The following ITPRIPL1 variants were observed in gnomAD, a reference collection of about 807,000 sequenced individuals.
ITPRIPL1 encodes inositol 1,4,5-trisphosphate receptor-interacting protein-like 1.
ITPRIPL1 carries 28 observed loss-of-function variants against 40.0 expected under a neutral mutation model. That is an observed-to-expected ratio of 0.70 (90% CI 0.52 to 0.96). ITPRIPL1 has a LOEUF of 0.96. Among genes scored for constraint, ITPRIPL1 ranks in the 40% least tolerant of loss-of-function variants. The probability of loss-of-function intolerance (pLI) is 0.00; values close to 1 mark genes in which losing one functional copy is unlikely to be tolerated. For synonymous variants in ITPRIPL1, 251 were observed against 275.7 expected (o/e 0.91, Z 0.89); for missense variants, 638 against 698.0 (o/e 0.91, Z 0.97).
Position 96,326,661 on chromosome 2 carries a change from T to G in ITPRIPL1, c.30T>G (p.Ala10=). MNVDAEASM[A]VISLLFLAVM... ...CTCCAGATGCAGAGGCCTCCATGGC[T>G]GTGATAAGCCTGCTGTTCTTGGCAG... Residue 10 remains alanine, a synonymous_variant, in exon 3 of 3, where the codon GCT becomes GCG. Coordinates refer to ENST00000439118, the MANE Select transcript of ITPRIPL1 (RefSeq NM_001008949.3). The G allele has an allele frequency of 1.2e-6, 2 of 1,614,214 alleles. No individual in the cohort carries two copies. Among genetic ancestry groups the G allele is most frequent in the South Asian group, 2.2e-5 (2 of 91,084 alleles).
chr2:96,328,430 C>T (rs533813422), downstream of ITPRIPL1: 6 of 884,954 alleles, frequency 6.8e-6, no homozygotes, highest in East Asian at 1.3e-4. Flanking sequence ...GATGAGACAC[C>T]TTAAGGAGCG....
At position 96,328,261 on chromosome 2, in the gene ITPRIPL1, A is replaced by G; in HGVS notation, c.1630A>G (p.Lys544Glu). Residue 544 changes from lysine to glutamate, a missense_variant, in exon 3 of 3, where the codon AAA becomes GAA. By Grantham distance (56) the Lys-to-Glu change is moderately conservative. Coordinates refer to ENST00000439118, the MANE Select transcript of ITPRIPL1 (RefSeq NM_001008949.3). ...EEFQNLLTQV[K>E]TLPHAPLAAA... Reference sequence around the variant, plus strand: ...GTTCCAAAACCTTCTGACCCAGGTGAAAACTCTGCCTCATGCCCCACTGGC... The same window carrying G: ...GTTCCAAAACCTTCTGACCCAGGTGGAAACTCTGCCTCATGCCCCACTGGC... The G allele has an allele frequency of 6.2e-7, 1 of 1,614,086 alleles. No homozygotes were observed. Among genetic ancestry groups the G allele is most frequent in the Non-Finnish European group, 8.5e-7 (1 of 1,179,988 alleles).
At chr2:96,325,592 G>C in intron 1 of ITPRIPL1, 27 bp downstream of exon 1, 2 of 589,328 alleles carry the variant, frequency 3.4e-6, no homozygotes, top group Non-Finnish European at 6.1e-6. Flanking sequence ...TGGGTCCCGG[G>C]AGACATCCCG....
In ITPRIPL1 at chr2:96,325,540, AG is replaced by A. The variant is rs1356326436; in HGVS notation, c.-118del. The A allele has an allele frequency of 1.3e-5, 7 of 526,686 alleles. No homozygotes were observed. The highest frequency in any genetic ancestry group is 2.1e-5 in the Non-Finnish European group (6 of 291,390). The allele number at this position is 526,686 out of a possible 1,614,324, so 32.6% of individuals were successfully genotyped here. A position where few individuals can be genotyped will look rare whatever the true frequency, so the allele number is the denominator to read the frequency against. ...GCGGTCAGGCCGCGCTGTCTCTTTAAGATCGTGTTCCTACTAACACTGACGG... is the reference window on the plus strand; with the variant it reads ...GCGGTCAGGCCGCGCTGTCTCTTTAAATCGTGTTCCTACTAACACTGACGG... On this transcript the variant is annotated 5_prime_UTR_variant, in exon 1 of 3. It removes the in-frame stop codon of an upstream open reading frame in the 5' UTR. Transcript: ENST00000439118.
At chr2:96,326,572 G>A in intron 2 of ITPRIPL1, 70 bp from the exon 3 acceptor site, 2 of 1,602,222 alleles carry the variant, frequency 1.2e-6, no homozygotes, top group Non-Finnish European at 1.7e-6. Context: ...CCAGGGCTCT[G>A]GGGAATGTGA....
Position 96,327,985 on chromosome 2 carries a change from G to A in ITPRIPL1, c.1354G>A (p.Ala452Thr). ...PILTSYHFKT[A>T]LMHLLLRLPL... is the part of the protein sequence containing the mutation. ...CCTCACTTCTTACCATTTTAAAACAGCTCTCATGCACCTCTTGCTACGGCT... is the reference window on the plus strand; with the variant it reads ...CCTCACTTCTTACCATTTTAAAACAACTCTCATGCACCTCTTGCTACGGCT... The change falls in exon 3 of 3, where the codon GCT (alanine) becomes ACT (threonine). Residue 452 changes from alanine (A) to threonine (T), a missense_variant. By Grantham distance (58) the Ala-to-Thr change is moderately conservative. Coordinates refer to ENST00000439118, the MANE Select transcript of ITPRIPL1 (RefSeq NM_001008949.3). The A allele has an allele frequency of 6.2e-7, 1 of 1,614,112 alleles. No homozygotes were observed. Among genetic ancestry groups the A allele is most frequent in the Non-Finnish European group, 8.5e-7 (1 of 1,180,028 alleles).
downstream of ITPRIPL1, chr2:96,328,506 G>C: frequency 7.8e-6 from 4 of 513,000 alleles, no homozygotes; most frequent in Non-Finnish European, 1.4e-5. Context: ...GGTCATCTGA[G>C]GTTTTCTTCT....
At chr2:96,325,697 C>A in intron 1 of ITPRIPL1, 50 bp from the exon 2 acceptor site, 1 of 771,036 alleles carries the variant, frequency 1.3e-6, no homozygotes, top group South Asian at 1.5e-5. Flanking sequence ...GGGGGAGGGT[C>A]GGGTTCCGAT....
chr2:96,325,784 G>A lies in ITPRIPL1; in HGVS notation c.-56G>A. The A allele has an allele frequency of 6.2e-7, 1 of 1,603,890 alleles. No individual in the cohort carries two copies. The highest frequency in any genetic ancestry group is 1.1e-5 in the South Asian group (1 of 90,902). ...GGGCGGGGAGACGAAGCAAGGCCAA[G>A]TTCCAAAGGGAGGATAGGCCCAGCT... On this transcript the variant is annotated 5_prime_UTR_variant, in exon 2 of 3. Coordinates refer to ENST00000439118, the MANE Select transcript of ITPRIPL1 (RefSeq NM_001008949.3).
chr2:96,326,450 C>A (rs547052138), intron 2 of ITPRIPL1, 192 bp from the exon 3 acceptor site: 10 of 1,546,374 alleles, frequency 6.5e-6, no homozygotes, highest in Non-Finnish European at 6.9e-6. Flanking sequence ...CACATCCTTT[C>A]GCCCTCTTTT....
At chr2:96,325,607 AGGATG>A in intron 1 of ITPRIPL1, 42 bp downstream of exon 1, 2 of 593,924 alleles carry the variant, frequency 3.4e-6, no homozygotes, top group South Asian at 4.0e-5. Context: ...ATCCCGAGGT[AGGATG>A]GGCCCTTGGC....
In ITPRIPL1 at chr2:96,327,172, C is replaced by T. The variant is rs531630816; in HGVS notation, c.541C>T (p.Arg181Cys). The change falls in exon 3 of 3, where the codon CGT (arginine) becomes TGT (cysteine). Residue 181 changes from arginine (R) to cysteine (C), a missense_variant. Arg to Cys is a radical substitution (Grantham distance 180, BLOSUM62 -3). Transcript: ENST00000439118. ...CAAACACTATGTCCAAAATGCCATC[C>T]GTGACCTGCCCTGCACCTGTGAGTT... is the stretch of plus-strand genomic sequence containing the variant. ...FYKHYVQNAIRDLPCTCEFVE... is the reference protein window; with the variant it reads ...FYKHYVQNAICDLPCTCEFVE... 5.0e-6 allele frequency: 8 copies of T among 1,614,178 alleles called. No individual in the cohort carries two copies. The highest frequency in any genetic ancestry group is 1.6e-4 in the Middle Eastern group (1 of 6,062).
chr2:96,328,802 T>C (rs2064140222), downstream of ITPRIPL1: 1 of 152,950 alleles, frequency 6.5e-6, no homozygotes, highest in African/African-American at 2.4e-5. Flanking sequence ...CAACTTCTCA[T>C]AATTTACGAT....
chr2:96,327,831 C>CTGAGTCCTT lies in ITPRIPL1; in HGVS notation c.1202_1203insAGTCCTTTG (p.Ala400_Cys401insTer). 2.5e-6 allele frequency: 4 copies of CTGAGTCCTT among 1,614,158 alleles called. No homozygotes were observed. Among genetic ancestry groups the CTGAGTCCTT allele is most frequent in the Non-Finnish European group, 3.4e-6 (4 of 1,180,036 alleles). ...TGGACTGGCCTGAGTCCTTTGTGGC[C>CTGAGTCCTT]TGTGAGCACCTGTTCCTGAAGCTGG... On this transcript the variant is annotated stop_gained and inframe_insertion, in exon 3 of 3. Transcript: ENST00000439118. LOFTEE classifies it high-confidence loss of function.
At chr2:96,328,365 A>G (rs1214967460), downstream of ITPRIPL1, 1 of 1,495,186 alleles carries the variant, frequency 6.7e-7, no homozygotes, top group African/African-American at 1.4e-5. Flanking sequence ...AAAAGTGTTT[A>G]CTTTTCAGAT....
chr2:96,328,923 T>G (rs1201703232), downstream of ITPRIPL1: 1 of 151,612 alleles, frequency 6.6e-6, no homozygotes, highest in East Asian at 1.9e-4. Context: ...ATCGCCTGAG[T>G]TCAGGAGTTC....
rs747007175 is a variant in ITPRIPL1, at chr2:96,327,898, C to T, written c.1267C>T (p.Leu423Phe). ...CGAGAACACCTGTCACCTCAAGTGC[C>T]TCCAGATCATTTTAAGTCTCCGGCA... ...APENTCHLKC[L>F]QIILSLRQHQ... Residue 423 changes from leucine to phenylalanine, a missense_variant, in exon 3 of 3, where the codon CTC becomes TTC. Leu to Phe is a conservative substitution (Grantham distance 22, BLOSUM62 0). Coordinates refer to ENST00000439118, the MANE Select transcript of ITPRIPL1 (RefSeq NM_001008949.3). 2.5e-6 allele frequency: 4 copies of T among 1,613,902 alleles called. No homozygotes were observed. The South Asian group carries it at 4.4e-5, about 18-fold the overall frequency.
downstream of ITPRIPL1, chr2:96,329,529 CT>C (rs1573051182): frequency 1.4e-5 from 2 of 142,388 alleles, no homozygotes; most frequent in East Asian, 4.1e-4. Context: ...TTTAGCTGTG[CT>C]TTTTCTGTCT....
downstream of ITPRIPL1, chr2:96,328,628 C>T: frequency 4.3e-6 from 1 of 232,032 alleles, no homozygotes; most frequent in Non-Finnish European, 8.5e-6. Flanking sequence ...GTTTTTGTAT[C>T]AACACTCGAA....
Sources: gnomAD v4.1 joint callset for allele counts on GRCh38, gnomAD v4.1.1 for gene constraint, MANE v1.5 for transcripts, NCBI Gene and HGNC (gene_info 2026-07-23, HGNC 2026-07-21) for gene names.